Variants in BBX observed in about 807,000 individuals in gnomAD.
BBX encodes the protein BBX high mobility group box domain containing.
A neutral mutation model predicts 100.2 loss-of-function variants in BBX; 30 were observed. That is an observed-to-expected ratio of 0.30 (90% confidence interval 0.22 to 0.41). The LOEUF is 0.41. Among genes scored for constraint, BBX ranks in the 10% least tolerant of loss-of-function variants. The probability of loss-of-function intolerance (pLI) is 1.00; values close to 1 mark genes in which losing one functional copy is unlikely to be tolerated. For synonymous variants in BBX, 376 were observed against 388.1 expected (o/e 0.97, Z 0.37); for missense variants, 1,023 against 1,129.8 (o/e 0.91, Z 1.35).
intron 10 of BBX, among the ~76,000 whole-genome samples, chr3:107,765,193 T>C (rs916978640): frequency 2.6e-5 from 4 of 152,212 alleles, no homozygotes; most frequent in African/African-American, 9.6e-5. Context: ...GGCATAAGGC[T>C]CCAGAGGGAT....
intron 3 of BBX, chr3:107,684,668 G>A (rs1386971233): frequency 6.6e-6 from 1 of 152,236 alleles, no homozygotes; most frequent in Non-Finnish European, 1.5e-5. Context: ...CCATAGTTGA[G>A]AGTGGGGTGC....
intron 1 of BBX, among the ~76,000 whole-genome samples, chr3:107,524,805 G>T (rs181839406): frequency 0.017 from 2,387 of 139,062 alleles, 64 homozygotes; most frequent in Non-Finnish European, 0.027. Context: ...GTGGAGGTGG[G>T]GGGGGGGGCG....
At chr3:107,780,010 C>T (rs1014132449) in intron 13 of BBX, among the ~76,000 whole-genome samples, 3 of 152,010 alleles carry the variant, frequency 2.0e-5, no homozygotes, top group South Asian at 2.1e-4. Context: ...CAAGTTTGCT[C>T]GTCTGAGAAA....
intron 2 of BBX, among the ~76,000 whole-genome samples, chr3:107,538,238 T>C (rs1168718122): frequency 6.6e-6 from 1 of 152,238 alleles, no homozygotes. Flanking sequence ...AATCTCTGCA[T>C]GAGCGATGCA....
chr3:107,713,759 G>T (rs1160694525), intron 4 of BBX, among the ~76,000 whole-genome samples: 1 of 151,824 alleles, frequency 6.6e-6, no homozygotes, highest in East Asian at 1.9e-4. Flanking sequence ...TCATGAAGTG[G>T]CACAGATCAT....
At chr3:107,798,011 A>G (rs1160463241) in intron 15 of BBX, among the ~76,000 whole-genome samples, 2 of 152,242 alleles carry the variant, frequency 1.3e-5, no homozygotes, top group Non-Finnish European at 2.9e-5. Flanking sequence ...TCTACATGAA[A>G]GAAAGTCAGG....
chr3:107,526,917 C>A (rs1266955835), intron 2 of BBX, among the ~76,000 whole-genome samples: 1 of 152,072 alleles, frequency 6.6e-6, no homozygotes, highest in Non-Finnish European at 1.5e-5. Context: ...GTAAATCTAG[C>A]GTTTAGTGCA....
At chr3:107,759,612 T>A (rs73850164) in intron 10 of BBX, among the ~76,000 whole-genome samples, 2,700 of 152,260 alleles carry the variant, frequency 0.018, 80 homozygotes, top group African/African-American at 0.062. Context: ...CAAAATTGTC[T>A]AATATAACAA....
In BBX at chr3:107,589,567, G is replaced by A. The variant is rs948040100; in HGVS notation, c.-83-56269G>A. Among the ~76,000 whole-genome samples the A allele has an allele frequency of 7.2e-5, 11 of 152,260 alleles. No homozygotes were observed. In the South Asian group the frequency reaches 2.1e-3, roughly 29 times the overall value. On this transcript the variant is annotated intron_variant, in intron 2 of 17. Transcript: ENST00000325805. ...CACCGGTTTAAGTGATCACATGATT[G>A]TAGTTGGCACTGTTTGAAGAAGTTC...
At chr3:107,681,520 G>C (rs1287828161) in intron 3 of BBX, among the ~76,000 whole-genome samples, 1 of 151,988 alleles carries the variant, frequency 6.6e-6, no homozygotes, top group African/African-American at 2.4e-5. Context: ...CAAAGGGCAG[G>C]GAAGAGCCTA....
intron 3 of BBX, among the ~76,000 whole-genome samples, chr3:107,649,621 C>T (rs1326761311): frequency 6.7e-6 from 1 of 149,746 alleles, no homozygotes; most frequent in East Asian, 2.0e-4. Context: ...CTCTGATAGA[C>T]ATCCGACAGT....
chr3:107,713,439 A>G (rs986213246), intron 4 of BBX, among the ~76,000 whole-genome samples: 2 of 152,200 alleles, frequency 1.3e-5, no homozygotes, highest in African/African-American at 4.8e-5. Context: ...CATTACATCA[A>G]TCCAGCTGTG....
intron 8 of BBX, among the ~76,000 whole-genome samples, chr3:107,745,175 G>C (rs1560083327): frequency 1.3e-5 from 2 of 152,032 alleles, no homozygotes; most frequent in African/African-American, 4.8e-5. Context: ...GTCTTCTTTT[G>C]TCAGACTTGT....
intron 2 of BBX, among the ~76,000 whole-genome samples, chr3:107,533,036 C>T (rs1365799950): frequency 6.6e-6 from 1 of 152,028 alleles, no homozygotes; most frequent in Non-Finnish European, 1.5e-5. Context: ...AAACCTAACC[C>T]ATACTGTCAT....
chr3:107,666,737 A>G (rs1398796429), intron 3 of BBX, among the ~76,000 whole-genome samples: 2 of 152,024 alleles, frequency 1.3e-5, no homozygotes, highest in African/African-American at 4.8e-5. Flanking sequence ...ACGCCCAGCT[A>G]ATTTTTGTAT....
intron 2 of BBX, among the ~76,000 whole-genome samples, chr3:107,595,727 A>G (rs765764732): frequency 2.0e-5 from 3 of 152,204 alleles, no homozygotes; most frequent in Non-Finnish European, 2.9e-5. Context: ...AGCAGTCACT[A>G]TCAGTGATCC....
chr3:107,552,567 T>C (rs201820203), intron 2 of BBX, among the ~76,000 whole-genome samples: 2 of 152,048 alleles, frequency 1.3e-5, no homozygotes, highest in East Asian at 3.9e-4. Context: ...AAAATAGACA[T>C]TAGGGACTTG....
intron 2 of BBX, among the ~76,000 whole-genome samples, chr3:107,567,508 T>C (rs1029225648): frequency 1.3e-5 from 2 of 152,194 alleles, no homozygotes; most frequent in African/African-American, 4.8e-5. Context: ...CTTTTTCCCT[T>C]CTAAAGATTT....
intron 12 of BBX, 125 bp downstream of exon 12, chr3:107,774,982 A>G: frequency 4.4e-6 from 5 of 1,127,844 alleles, no homozygotes; most frequent in Non-Finnish European, 4.8e-6. Flanking sequence ...ACTTCCTACA[A>G]TCTTAGTAGG....
Sources: gnomAD v4.1 joint callset for allele counts (sites outside exome capture counted in the v4.1 genomes callset) on GRCh38, gnomAD v4.1.1 for gene constraint, MANE v1.5 for transcripts, NCBI Gene and HGNC (gene_info 2026-07-23, HGNC 2026-07-21) for gene names.